Variants in GNA14 observed in about 807,000 individuals in gnomAD.
GNA14 encodes the protein G protein subunit alpha 14, also known as guanine nucleotide-binding protein subunit alpha-14.
Under a neutral mutation model 42.0 loss-of-function variants are expected in GNA14, and 50 were observed. That is an observed-to-expected ratio of 1.19 (90% CI 0.95 to 1.51). GNA14 has a LOEUF of 1.51. Ranked by LOEUF, GNA14 falls within the 40% of genes most tolerant of loss-of-function variation. The probability of loss-of-function intolerance (pLI) is 0.00; values close to 1 mark genes in which losing one functional copy is unlikely to be tolerated. For missense variants in GNA14, 473 were observed against 446.2 expected (o/e 1.06, Z -0.54); for synonymous variants, 173 against 163.1 (o/e 1.06, Z -0.46).
chr9:77,432,699 G>A (rs1835577083), intron 3 of GNA14, among the ~76,000 whole-genome samples: 1 of 152,162 alleles, frequency 6.6e-6, no homozygotes, highest in African/African-American at 2.4e-5. Flanking sequence ...CACCACCCTA[G>A]CCACGCCCCT....
chr9:77,440,785 G>A (rs189562680), intron 2 of GNA14, among the ~76,000 whole-genome samples: 56 of 151,984 alleles, frequency 3.7e-4, no homozygotes, highest in African/African-American at 1.2e-3. Flanking sequence ...GCGCAATCTC[G>A]GTTCACTGCA....
chr9:77,484,134 C>A (rs1316139189), intron 2 of GNA14, among the ~76,000 whole-genome samples: 1 of 152,036 alleles, frequency 6.6e-6, no homozygotes, highest in Non-Finnish European at 1.5e-5. Flanking sequence ...AACTGGAACA[C>A]AGTAAAGAGG....
chr9:77,547,573 C>T (rs923886967), intron 1 of GNA14, among the ~76,000 whole-genome samples: 2 of 152,112 alleles, frequency 1.3e-5, no homozygotes, highest in African/African-American at 4.8e-5. Context: ...GTGGTTTTTT[C>T]ATTAAAATGA....
chr9:77,433,842 C>T (rs1452928070), intron 3 of GNA14, among the ~76,000 whole-genome samples: 4 of 152,160 alleles, frequency 2.6e-5, no homozygotes, highest in Non-Finnish European at 4.4e-5. Flanking sequence ...GTGCTGCGAG[C>T]GCAGCCTCCT....
intron 2 of GNA14, 63 bp from the exon 3 acceptor site, chr9:77,434,585 T>C (rs1288222123): frequency 7.1e-7 from 1 of 1,406,802 alleles, no homozygotes; most frequent in Non-Finnish European, 9.9e-7. Flanking sequence ...ATTGGCAATG[T>C]CGGTACAAGT....
At chr9:77,582,811 T>A (rs1823245536) in intron 1 of GNA14, among the ~76,000 whole-genome samples, 1 of 152,196 alleles carries the variant, frequency 6.6e-6, no homozygotes, top group African/African-American at 2.4e-5. Context: ...TCTGTATATC[T>A]GTATTTGCCA....
At chr9:77,588,210 T>C (rs1823335148) in intron 1 of GNA14, among the ~76,000 whole-genome samples, 2 of 152,174 alleles carry the variant, frequency 1.3e-5, no homozygotes, top group South Asian at 4.1e-4. Flanking sequence ...TTCACAGTTT[T>C]CAGGGATTCA....
At chr9:77,565,192 C>T (rs189831158) in intron 1 of GNA14, among the ~76,000 whole-genome samples, 9 of 152,250 alleles carry the variant, frequency 5.9e-5, no homozygotes, top group Admixed American at 3.9e-4. Flanking sequence ...TTTTAAAATG[C>T]CATTCCTGTA....
intron 2 of GNA14, among the ~76,000 whole-genome samples, chr9:77,480,004 A>G (rs1836514340): frequency 6.6e-6 from 1 of 152,204 alleles, no homozygotes; most frequent in Non-Finnish European, 1.5e-5. Context: ...AAACAGGGAC[A>G]ATTTGACTTC....
intron 1 of GNA14, among the ~76,000 whole-genome samples, chr9:77,621,444 G>T (rs1158137200): frequency 6.6e-6 from 1 of 152,210 alleles, no homozygotes; most frequent in Non-Finnish European, 1.5e-5. Flanking sequence ...ATGGGTAAGT[G>T]TGCATGCAAG....
intron 1 of GNA14, among the ~76,000 whole-genome samples, chr9:77,581,044 A>G (rs72732769): frequency 0.13 from 19,044 of 151,314 alleles, 2,908 homozygotes; most frequent in African/African-American, 0.36. Flanking sequence ...ACACAATAGT[A>G]CCCACCTTTA....
chr9:77,585,771 A>G (rs760053153), intron 1 of GNA14, among the ~76,000 whole-genome samples: 1 of 152,156 alleles, frequency 6.6e-6, no homozygotes, highest in African/African-American at 2.4e-5. Context: ...TATCCAATAA[A>G]TCCCCTAAAT....
intron 1 of GNA14, among the ~76,000 whole-genome samples, chr9:77,627,244 G>C (rs1824025604): frequency 6.6e-6 from 1 of 152,058 alleles, no homozygotes; most frequent in African/African-American, 2.4e-5. Context: ...GTAATTAATA[G>C]CCTATGAACC....
At chr9:77,561,535 G>A (rs767919093) in intron 1 of GNA14, among the ~76,000 whole-genome samples, 1 of 152,148 alleles carries the variant, frequency 6.6e-6, no homozygotes, top group Non-Finnish European at 1.5e-5. Context: ...AAAAAGGAAG[G>A]AAATGCTCAC....
chr9:77,491,713 G>A (rs1836778236), intron 2 of GNA14, among the ~76,000 whole-genome samples: 1 of 152,144 alleles, frequency 6.6e-6, no homozygotes, highest in Non-Finnish European at 1.5e-5. Context: ...TACAATACTG[G>A]TAGCGTACTT....
intron 2 of GNA14, among the ~76,000 whole-genome samples, chr9:77,513,545 C>G (rs183096149): frequency 6.6e-6 from 1 of 152,176 alleles, no homozygotes; most frequent in African/African-American, 2.4e-5. Flanking sequence ...AGGGAGCTCA[C>G]GAAGTACTGG....
intron 2 of GNA14, among the ~76,000 whole-genome samples, chr9:77,446,271 G>A (rs193014947): frequency 1.3e-5 from 2 of 152,322 alleles, no homozygotes; most frequent in East Asian, 3.9e-4. Flanking sequence ...TCCAGACAAG[G>A]AAGCATTACC....
intron 2 of GNA14, among the ~76,000 whole-genome samples, chr9:77,442,802 C>G (rs933968034): frequency 2.6e-5 from 4 of 152,072 alleles, no homozygotes; most frequent in Non-Finnish European, 5.9e-5. Flanking sequence ...GGGCACCACC[C>G]AAAATAATCA....
chr9:77,593,068 A>T (rs917969838), intron 1 of GNA14, among the ~76,000 whole-genome samples: 1 of 152,142 alleles, frequency 6.6e-6, no homozygotes, highest in Non-Finnish European at 1.5e-5. Flanking sequence ...GGGGAGAAGG[A>T]GTTGCACTTA....
Sources: gnomAD v4.1 joint callset for allele counts (sites outside exome capture counted in the v4.1 genomes callset) on GRCh38, gnomAD v4.1.1 for gene constraint, MANE v1.5 for transcripts, NCBI Gene and HGNC (gene_info 2026-07-23, HGNC 2026-07-21) for gene names.